SH3GL2: variants seen among roughly 807,000 people sequenced by gnomAD.
SH3GL2 encodes endophilin-A1.
In SH3GL2, 24 loss-of-function variants were observed where a neutral mutation model predicts 46.0. The ratio of observed to expected loss-of-function variants is 0.52; its 90% CI spans 0.38 to 0.73. The LOEUF is 0.73. Ranked by LOEUF, SH3GL2 falls within the 30% of genes least tolerant of loss-of-function variation. The pLI is 0.00. For synonymous variants in SH3GL2, 196 were observed against 147.1 expected, an observed-to-expected ratio of 1.33 and a Z score of -2.40; for missense variants, 413 against 424.2, an observed-to-expected ratio of 0.97 and a Z score of 0.23.
chr9:17,587,218 A>T (rs1818395072), intron 1 of SH3GL2, among the ~76,000 whole-genome samples: 1 of 152,116 alleles, frequency 6.6e-6, no homozygotes, highest in East Asian at 1.9e-4. Flanking sequence ...AACAAAACAA[A>T]ACAAAAAGTA....
At chr9:17,651,003 C>T (rs1340418158) in intron 1 of SH3GL2, among the ~76,000 whole-genome samples, 8 of 151,822 alleles carry the variant, frequency 5.3e-5, no homozygotes, top group South Asian at 4.2e-4. Context: ...TGTGTTTGCA[C>T]GTGTGCACAC....
intron 1 of SH3GL2, among the ~76,000 whole-genome samples, chr9:17,603,764 AC>A (rs1818712160): frequency 6.6e-6 from 1 of 152,056 alleles, no homozygotes; most frequent in African/African-American, 2.4e-5. Context: ...GGAGGCTGAG[AC>A]AGGAGAATCA....
intron 1 of SH3GL2, among the ~76,000 whole-genome samples, chr9:17,620,336 G>T (rs7852041): frequency 0.41 from 62,687 of 151,824 alleles, 13,170 homozygotes; most frequent in East Asian, 0.63. Flanking sequence ...AGGAACAAGT[G>T]TATAAAAGGA....
At chr9:17,641,023 A>G (rs1819668158) in intron 1 of SH3GL2, among the ~76,000 whole-genome samples, 1 of 152,210 alleles carries the variant, frequency 6.6e-6, no homozygotes, top group Non-Finnish European at 1.5e-5. Flanking sequence ...TAATTGTAGA[A>G]TCCCTTTGAT....
intron 1 of SH3GL2, among the ~76,000 whole-genome samples, chr9:17,736,965 A>G (rs544279578): frequency 8.5e-5 from 13 of 152,258 alleles, no homozygotes; most frequent in Middle Eastern, 3.4e-3. Context: ...ATGCCCATCA[A>G]TGATAGATTG....
chr9:17,666,211 C>T (rs1412251017), intron 1 of SH3GL2, among the ~76,000 whole-genome samples: 1 of 151,664 alleles, frequency 6.6e-6, no homozygotes, highest in African/African-American at 2.4e-5. Context: ...TCCTTTTTTC[C>T]TCTCTTCAAT....
intron 1 of SH3GL2, among the ~76,000 whole-genome samples, chr9:17,651,705 A>G (rs1262186218): frequency 1.3e-5 from 2 of 152,180 alleles, no homozygotes; most frequent in African/African-American, 4.8e-5. Flanking sequence ...TGGCTAAAGA[A>G]TTCTAGGATG....
intron 1 of SH3GL2, among the ~76,000 whole-genome samples, chr9:17,621,425 C>T (rs796576571): frequency 6.6e-6 from 1 of 152,170 alleles, no homozygotes; most frequent in Non-Finnish European, 1.5e-5. Context: ...TTTTGTGGCA[C>T]CTTCATTCAA....
At chr9:17,673,575 A>G (rs1266449429) in intron 1 of SH3GL2, among the ~76,000 whole-genome samples, 1 of 152,142 alleles carries the variant, frequency 6.6e-6, no homozygotes, top group Admixed American at 6.5e-5. Flanking sequence ...CACTTGGATG[A>G]TGCTTTGTCA....
At chr9:17,715,160 G>T (rs1416515865) in intron 1 of SH3GL2, among the ~76,000 whole-genome samples, 1 of 146,992 alleles carries the variant, frequency 6.8e-6, no homozygotes, top group Non-Finnish European at 1.5e-5. Context: ...CCTTATCACT[G>T]GTTTTGAGTG....
At chr9:17,733,215 T>A (rs10810840) in intron 1 of SH3GL2, among the ~76,000 whole-genome samples, 1 of 151,942 alleles carries the variant, frequency 6.6e-6, no homozygotes, top group Non-Finnish European at 1.5e-5. Context: ...AGACTGCATA[T>A]GCTAATGAAT....
intron 1 of SH3GL2, among the ~76,000 whole-genome samples, chr9:17,744,019 A>T (rs1822610176): frequency 6.6e-6 from 1 of 152,198 alleles, no homozygotes; most frequent in South Asian, 2.1e-4. Context: ...AACAAATGGA[A>T]TTTTGGAATA....
intron 1 of SH3GL2, among the ~76,000 whole-genome samples, chr9:17,618,535 G>T (rs1588177286): frequency 6.6e-6 from 1 of 152,140 alleles, no homozygotes; most frequent in African/African-American, 2.4e-5. Context: ...TCATAATTCA[G>T]TTAGCAGTAA....
intron 1 of SH3GL2, among the ~76,000 whole-genome samples, chr9:17,654,084 A>C (rs1393277955): frequency 6.6e-6 from 1 of 152,158 alleles, no homozygotes; most frequent in Non-Finnish European, 1.5e-5. Flanking sequence ...AGAAGGTGTC[A>C]AGACACGGAG....
intron 1 of SH3GL2, among the ~76,000 whole-genome samples, chr9:17,636,392 A>ATAT (rs1306309155): frequency 6.6e-6 from 1 of 152,110 alleles, no homozygotes; most frequent in Non-Finnish European, 1.5e-5. Flanking sequence ...TTTCCAAACA[A>ATAT]TATTATATTG....
chr9:17,761,564 C>T (rs1449570123), intron 3 of SH3GL2, 55 bp downstream of exon 3: 6 of 1,036,688 alleles, frequency 5.8e-6, no homozygotes, highest in Non-Finnish European at 9.2e-6. Context: ...TTTAGTTTCT[C>T]TTTGATAGAC....
At chr9:17,754,212 T>A (rs1202722309) in intron 2 of SH3GL2, among the ~76,000 whole-genome samples, 2 of 152,180 alleles carry the variant, frequency 1.3e-5, no homozygotes, top group African/African-American at 4.8e-5. Context: ...CTAGTTCTGC[T>A]AAGAATCTTA....
chr9:17,789,669 G>A, intron 6 of SH3GL2, 119 bp downstream of exon 6: 1 of 1,463,614 alleles, frequency 6.8e-7, no homozygotes, highest in East Asian at 2.4e-5. Context: ...AAGAACTTCA[G>A]TAGATAGTTA....
intron 2 of SH3GL2, among the ~76,000 whole-genome samples, chr9:17,754,791 G>T (rs138154487): frequency 7.2e-5 from 11 of 152,286 alleles, no homozygotes; most frequent in East Asian, 3.9e-4. Flanking sequence ...TGGCTTGACT[G>T]TTCTTGGTGT....
Sources: allele counts gnomAD v4.1 joint callset (sites outside exome capture counted in the v4.1 genomes callset), GRCh38; gene constraint gnomAD v4.1.1; transcripts MANE v1.5; gene names NCBI Gene and HGNC (gene_info 2026-07-23, HGNC 2026-07-21).